MFF: variants seen among roughly 807,000 people sequenced by gnomAD.
MFF encodes the protein chromosome 2 open reading frame 33.
MFF carries 12 observed loss-of-function variants against 36.9 expected under a neutral mutation model. The ratio of observed to expected loss-of-function variants is 0.33; its 90% CI spans 0.21 to 0.53. The LOEUF is 0.53. MFF is among the 20% of genes least tolerant of loss of function. The pLI, the probability that MFF is intolerant of heterozygous loss-of-function variation, is 0.95. For synonymous variants in MFF, 99 were observed against 126.2 expected (o/e 0.78, Z 1.44); for missense variants, 348 against 366.6 (o/e 0.95, Z 0.42).
At chr2:227,337,240 T>G (rs1402104747) in intron 4 of MFF, among the ~76,000 whole-genome samples, 1 of 152,262 alleles carries the variant, frequency 6.6e-6, no homozygotes, top group Non-Finnish European at 1.5e-5. Context: ...TTGGGCTATG[T>G]GTCCTTCCCA....
In MFF at chr2:227,340,324, G is replaced by A; in HGVS notation, c.384G>A (p.Arg128=). 2 of 1,614,012 alleles carry A rather than the reference G, an allele frequency of 1.2e-6. No individual in the cohort carries two copies. Among genetic ancestry groups the A allele is most frequent in the African/African-American group, 1.3e-5 (1 of 75,050 alleles). ...CAGTTGGCAGACTAAAAAGAGAGCG[G>A]TCTATGAGTGAAAATGCTGTTCGCC... ...IRAVGRLKRE[R]SMSENAVRQN... The change falls in exon 5 of 9, where the codon CGG becomes CGA. Residue 128 remains arginine (R), a synonymous_variant. Coordinates refer to ENST00000304593, the MANE Select transcript of MFF (RefSeq NM_001277062.2).
At chr2:227,353,905 T>C (rs990386344) in intron 7 of MFF, among the ~76,000 whole-genome samples, 1 of 152,184 alleles carries the variant, frequency 6.6e-6, no homozygotes, top group African/African-American at 2.4e-5. Flanking sequence ...TCCTCTGTTA[T>C]GTGGCCTCAG....
rs2075471383 is a variant in MFF, at chr2:227,342,800, A to C, written c.440+2420A>C. 9 of 1,613,554 alleles carry C rather than the reference A, an allele frequency of 5.6e-6. No homozygotes were observed. The South Asian group carries it at 9.9e-5, about 18-fold the overall frequency. On this transcript the variant is annotated intron_variant, in intron 5 of 8. Coordinates refer to ENST00000304593, the MANE Select transcript of MFF (RefSeq NM_001277062.2). ...TAAAATTTCAAGGTTCCAGGCACCG[A>C]TTTCTGCACCGGAGTACACGTAAGA...
chr2:227,342,750 A>G, intron 5 of MFF: 1 of 1,612,642 alleles, frequency 6.2e-7, no homozygotes, highest in Non-Finnish European at 8.5e-7. Flanking sequence ...TTAAGGTGGC[A>G]CAGATCAGAT....
intron 5 of MFF, among the ~76,000 whole-genome samples, chr2:227,341,635 A>G (rs1458550825): frequency 2.0e-5 from 3 of 152,050 alleles, no homozygotes; most frequent in African/African-American, 7.2e-5. Flanking sequence ...TTTCTAGACT[A>G]TTTCCAAATG....
chr2:227,329,787 A>G (rs1362256051), intron 2 of MFF: 2 of 1,492,082 alleles, frequency 1.3e-6, no homozygotes, highest in Non-Finnish European at 1.8e-6. Context: ...TAGGAAGGTC[A>G]GTGAAATTTT....
rs545024692 is a variant in MFF, at chr2:227,349,164, T to C, written c.599+1780T>C. 2.6e-5 allele frequency among the ~76,000 whole-genome samples: 4 copies of C among 152,180 alleles called. No homozygotes were observed. The South Asian group carries it at 8.3e-4, about 32-fold the overall frequency. On this transcript the variant is annotated intron_variant, in intron 6 of 8. Coordinates refer to ENST00000304593, the MANE Select transcript of MFF (RefSeq NM_001277062.2). Reference sequence around the variant, plus strand: ...GCAGAGTCACAGTACATTAAAATTATATGTCCCAAAAAGTAAAAAAAGAAA... The same window carrying C: ...GCAGAGTCACAGTACATTAAAATTACATGTCCCAAAAAGTAAAAAAAGAAA...
At chr2:227,352,273 G>C (rs958644067) in intron 6 of MFF, 10 of 404,968 alleles carry the variant, frequency 2.5e-5, no homozygotes, top group Non-Finnish European at 4.4e-5. Flanking sequence ...GTGCTGTTTT[G>C]TCGTGTAAAT....
At position 227,327,143 on chromosome 2, in the gene MFF, T is replaced by C. The variant is rs75634956; in HGVS notation, c.-152-1535T>C. 7.5e-3 allele frequency among the ~76,000 whole-genome samples: 1,141 copies of C among 152,210 alleles called. 17 individuals are homozygous for C. The highest frequency in any genetic ancestry group is 0.026 in the African/African-American group (1,084 of 41,520). On this transcript the variant is annotated intron_variant, in intron 1 of 8. Transcript: ENST00000304593. ...AAAAAGTCGAGTTAAAAAAATTAAC[T>C]GTAGCAAAAAGTTAATGTACTCTGT...
At position 227,329,688 on chromosome 2, in the gene MFF, G is replaced by T; in HGVS notation, c.-41+899G>T. ...GGGGAATTGTTGTGTAAAGTAAACT[G>T]AACTGCAGGGTAGCAGTATTTTAAT... On this transcript the variant is annotated intron_variant, in intron 2 of 8. Coordinates refer to ENST00000304593, the MANE Select transcript of MFF (RefSeq NM_001277062.2). 3 of 1,240,982 alleles carry T rather than the reference G, an allele frequency of 2.4e-6. No homozygotes were observed. In the South Asian group the frequency reaches 3.7e-5, roughly 15 times the overall value. 76.9% of individuals were successfully genotyped at this position (1,240,982 alleles called of 1,614,324 possible).
chr2:227,342,507 T>C (rs906584639), intron 5 of MFF, among the ~76,000 whole-genome samples: 7 of 152,198 alleles, frequency 4.6e-5, no homozygotes, highest in Non-Finnish European at 1.0e-4. Context: ...TTGTGCGTCA[T>C]AGTGCATGAA....
At chr2:227,351,645 A>C (rs1342472167) in intron 6 of MFF, 1 of 152,232 alleles carries the variant, frequency 6.6e-6, no homozygotes, top group East Asian at 1.9e-4. Context: ...TTTAGGGGGA[A>C]TTGACCAGTG....
intron 4 of MFF, among the ~76,000 whole-genome samples, chr2:227,333,090 C>T (rs544357540): frequency 7.2e-5 from 11 of 152,196 alleles, no homozygotes; most frequent in Non-Finnish European, 1.3e-4. Context: ...TAACAGAGTT[C>T]GAATCCTGCC....
At chr2:227,355,890 C>T (rs1452030853) in intron 8 of MFF, 129 bp downstream of exon 8, 6 of 593,932 alleles carry the variant, frequency 1.0e-5, no homozygotes, top group Non-Finnish European at 1.8e-5. Context: ...CATTGATTTT[C>T]TCATTTTGAT....
intron 1 of MFF, among the ~76,000 whole-genome samples, chr2:227,326,072 G>C (rs536308079): frequency 6.6e-6 from 1 of 152,000 alleles, no homozygotes; most frequent in Admixed American, 6.5e-5. Context: ...CTGTTCCGCC[G>C]AGCTTCTGAC....
At chr2:227,328,309 AAAAAAAAAAAAC>A (rs1404330607) in intron 1 of MFF, among the ~76,000 whole-genome samples, 7 of 147,606 alleles carry the variant, frequency 4.7e-5, no homozygotes, top group Non-Finnish European at 7.5e-5. Context: ...AAAAAAAAAA[AAAAAAAAAAAAC>A]CAATTCATTT....
Position 227,330,861 on chromosome 2 carries a change from C to T in MFF, c.181+15C>T, listed in dbSNP as rs1218596582. 3.5e-6 allele frequency: 5 copies of T among 1,443,438 alleles called. No homozygotes were observed. The highest frequency in any genetic ancestry group is 4.7e-6 in the Non-Finnish European group (5 of 1,068,778). 89.4% of individuals were successfully genotyped at this position (1,443,438 alleles called of 1,614,324 possible). ...TGTTGTAGCAGGTATTTCACCTTTACTTAGAAGGTTGCCTGTTAAATCTTT... is the reference window on the plus strand; with the variant it reads ...TGTTGTAGCAGGTATTTCACCTTTATTTAGAAGGTTGCCTGTTAAATCTTT... On this transcript the variant is annotated intron_variant, in intron 3 of 8. Coordinates refer to ENST00000304593, the MANE Select transcript of MFF (RefSeq NM_001277062.2).
intron 4 of MFF, among the ~76,000 whole-genome samples, chr2:227,336,758 G>T (rs892697090): frequency 1.3e-5 from 2 of 152,196 alleles, no homozygotes; most frequent in African/African-American, 4.8e-5. Flanking sequence ...TGACACAAAA[G>T]CCATGAATGT....
intron 4 of MFF, among the ~76,000 whole-genome samples, chr2:227,338,597 T>C (rs1193838140): frequency 6.6e-6 from 1 of 150,728 alleles, no homozygotes; most frequent in Non-Finnish European, 1.5e-5. Context: ...TTTGGGAGGC[T>C]GAGGCAGCCA....
Sources: allele counts gnomAD v4.1 joint callset (sites outside exome capture counted in the v4.1 genomes callset), GRCh38; gene constraint gnomAD v4.1.1; transcripts MANE v1.5; gene names NCBI Gene and HGNC (gene_info 2026-07-23, HGNC 2026-07-21).